Variants in PRRG4 observed in about 807,000 individuals in gnomAD.
The protein encoded by PRRG4 is proline rich and Gla domain 4.
A neutral mutation model predicts 20.0 loss-of-function variants in PRRG4; 12 were observed. The ratio of observed to expected loss-of-function variants is 0.60; its 90% confidence interval spans 0.38 to 0.97. PRRG4 has a LOEUF of 0.97. PRRG4 is among the 50% of genes least tolerant of loss of function. PRRG4 has a pLI of 0.00. For synonymous variants in PRRG4, 94 were observed against 96.4 expected (o/e 0.98, Z 0.15); for missense variants, 199 against 265.1 (o/e 0.75, Z 1.73).
At chr11:32,843,852 A>G (rs1293656778) in intron 5 of PRRG4, among the ~76,000 whole-genome samples, 1 of 152,032 alleles carries the variant, frequency 6.6e-6, no homozygotes, top group Non-Finnish European at 1.5e-5. Flanking sequence ...GAATTTTACT[A>G]CAATAACACC....
intron 5 of PRRG4, among the ~76,000 whole-genome samples, chr11:32,844,157 TC>T (rs2133445525): frequency 6.6e-6 from 1 of 152,274 alleles, no homozygotes; most frequent in South Asian, 2.1e-4. Flanking sequence ...CTGCCTGGAT[TC>T]AAAACCCTGG....
Sources: gnomAD v4.1 joint callset for allele counts (sites outside exome capture counted in the v4.1 genomes callset) on GRCh38, gnomAD v4.1.1 for gene constraint, MANE v1.5 for transcripts, NCBI Gene and HGNC (gene_info 2026-07-23, HGNC 2026-07-21) for gene names.